Variants in TOPAZ1 observed in about 807,000 individuals in gnomAD.
TOPAZ1 encodes the protein protein TOPAZ1.
In TOPAZ1, 66 loss-of-function variants were observed where a neutral mutation model predicts 172.2. That is an observed-to-expected ratio of 0.38 (90% CI 0.31 to 0.47). The LOEUF is 0.47. Among genes scored for constraint, TOPAZ1 ranks in the 20% least tolerant of loss-of-function variants. The pLI is 0.99. For synonymous variants in TOPAZ1, 681 were observed against 683.9 expected (o/e 1.00, Z 0.07); for missense variants, 1,822 against 1,972.4 (o/e 0.92, Z 1.44).
intron 2 of TOPAZ1, among the ~76,000 whole-genome samples, chr3:44,249,239 G>T (rs1388510348): frequency 6.6e-6 from 1 of 150,478 alleles, no homozygotes; most frequent in Non-Finnish European, 1.5e-5. Context: ...ATATAGTTGG[G>T]GGGAAGGGGG....
intron 5 of TOPAZ1, among the ~76,000 whole-genome samples, chr3:44,263,735 G>C (rs892004362): frequency 1.4e-4 from 21 of 152,130 alleles, no homozygotes; most frequent in African/African-American, 5.1e-4. Flanking sequence ...TTAAGGTAAA[G>C]ATTATAGTAT....
At chr3:44,332,961 G>C (rs1312688548), downstream of TOPAZ1, among the ~76,000 whole-genome samples, 1 of 150,954 alleles carries the variant, frequency 6.6e-6, no homozygotes, top group African/African-American at 2.4e-5. Context: ...ACCATGCCCA[G>C]ATAATTTTTG....
At chr3:44,271,951 T>C (rs1013015007) in intron 8 of TOPAZ1, among the ~76,000 whole-genome samples, 2 of 152,162 alleles carry the variant, frequency 1.3e-5, no homozygotes, top group Non-Finnish European at 2.9e-5. Context: ...ACTGTTCTAC[T>C]CTCTGCTTCT....
At chr3:44,283,624 T>C (rs1700045804) in intron 9 of TOPAZ1, among the ~76,000 whole-genome samples, 1 of 152,218 alleles carries the variant, frequency 6.6e-6, no homozygotes, top group South Asian at 2.1e-4. Context: ...TATTTAGAAA[T>C]TTTAAATTTA....
At chr3:44,327,274 A>G (rs1700610523) in intron 18 of TOPAZ1, among the ~76,000 whole-genome samples, 1 of 152,180 alleles carries the variant, frequency 6.6e-6, no homozygotes, top group Non-Finnish European at 1.5e-5. Context: ...TCTTGAAGAA[A>G]CTCATCCTAA....
At chr3:44,250,856 A>G (rs556712356) in intron 2 of TOPAZ1, among the ~76,000 whole-genome samples, 2 of 152,292 alleles carry the variant, frequency 1.3e-5, no homozygotes, top group African/African-American at 2.4e-5. Context: ...TTGCTGGAAT[A>G]AACAGTATTG....
chr3:44,320,160 T>A (rs889455020), intron 16 of TOPAZ1, among the ~76,000 whole-genome samples: 1 of 152,094 alleles, frequency 6.6e-6, no homozygotes, highest in Non-Finnish European at 1.5e-5. Context: ...GGGTCTGAGG[T>A]CTGTTGGTTT....
At chr3:44,335,058 C>G (rs1422437752), downstream of TOPAZ1, among the ~76,000 whole-genome samples, 2 of 151,982 alleles carry the variant, frequency 1.3e-5, no homozygotes, top group Admixed American at 1.3e-4. Flanking sequence ...CCTTTTTCAT[C>G]TAGAATGGGA....
At chr3:44,279,358 T>G (rs1699997988) in intron 8 of TOPAZ1, among the ~76,000 whole-genome samples, 1 of 152,164 alleles carries the variant, frequency 6.6e-6, no homozygotes, top group African/African-American at 2.4e-5. Flanking sequence ...AGTTTAAAAC[T>G]AATGTTTGTT....
intron 12 of TOPAZ1, among the ~76,000 whole-genome samples, chr3:44,292,090 C>T (rs1575723856): frequency 6.6e-6 from 1 of 152,078 alleles, no homozygotes; most frequent in East Asian, 1.9e-4. Context: ...GCCATTGTGC[C>T]CTAGATGCCT....
At chr3:44,251,602 A>G (rs933885742) in intron 2 of TOPAZ1, among the ~76,000 whole-genome samples, 3 of 152,228 alleles carry the variant, frequency 2.0e-5, no homozygotes, top group Non-Finnish European at 4.4e-5. Context: ...TTTCCTTACT[A>G]CAACAGATAT....
intron 16 of TOPAZ1, among the ~76,000 whole-genome samples, chr3:44,311,584 A>G (rs1163694477): frequency 6.6e-6 from 1 of 152,168 alleles, no homozygotes; most frequent in African/African-American, 2.4e-5. Context: ...TTAAACTTCT[A>G]TCAATTATAA....
At chr3:44,299,736 A>G (rs1700246291) in intron 12 of TOPAZ1, among the ~76,000 whole-genome samples, 1 of 150,700 alleles carries the variant, frequency 6.6e-6, no homozygotes, top group South Asian at 2.1e-4. Flanking sequence ...GATTAAGAAA[A>G]TGTGGCACAT....
At position 44,241,952 on chromosome 3, in the gene TOPAZ1, G is replaced by A; in HGVS notation, c.-102G>A. 1 of 1,130,022 alleles carries A rather than the reference G, an allele frequency of 8.8e-7. No individual in the cohort carries two copies. 70.0% of individuals were successfully genotyped at this position (1,130,022 alleles called of 1,614,324 possible). On this transcript the variant is annotated 5_prime_UTR_variant, in exon 1 of 20. Coordinates refer to ENST00000309765, the MANE Select transcript of TOPAZ1 (RefSeq NM_001145030.2). ...TGTGGTGACTGGCGGTGTGGGGTGG[G>A]TCAGAGGGCAGTAGGTACCTCCAGG...
intron 4 of TOPAZ1, 90 bp from the exon 5 acceptor site, chr3:44,262,329 A>T: frequency 7.4e-6 from 4 of 537,610 alleles, no homozygotes. Context: ...TTAACATCTA[A>T]TACATTATAA....
At chr3:44,269,594 C>A (rs1281295238) in intron 7 of TOPAZ1, among the ~76,000 whole-genome samples, 1 of 144,482 alleles carries the variant, frequency 6.9e-6, no homozygotes, top group Non-Finnish European at 1.5e-5. Context: ...TTCATAAAAC[C>A]AATACTTTGG....
At chr3:44,309,421 T>A (rs1286666494) in intron 15 of TOPAZ1, among the ~76,000 whole-genome samples, 1 of 152,216 alleles carries the variant, frequency 6.6e-6, no homozygotes. Flanking sequence ...TTTTCATTTT[T>A]ACTTTCTCTC....
chr3:44,248,006 T>C (rs1306170533), intron 2 of TOPAZ1, among the ~76,000 whole-genome samples: 4 of 152,222 alleles, frequency 2.6e-5, no homozygotes, highest in Admixed American at 2.6e-4. Context: ...AGCAAAGAAA[T>C]TTTTAAAGAG....
At chr3:44,313,839 C>G (rs1700423710) in intron 16 of TOPAZ1, among the ~76,000 whole-genome samples, 1 of 152,130 alleles carries the variant, frequency 6.6e-6, no homozygotes, top group Non-Finnish European at 1.5e-5. Context: ...TCAGTACATT[C>G]CATTCCAGGT....
Sources: gnomAD v4.1 joint callset for allele counts (sites outside exome capture counted in the v4.1 genomes callset) on GRCh38, gnomAD v4.1.1 for gene constraint, MANE v1.5 for transcripts, NCBI Gene and HGNC (gene_info 2026-07-23, HGNC 2026-07-21) for gene names.